The following RANBP2 variants were observed in gnomAD, a reference collection of about 807,000 sequenced individuals.
RANBP2 encodes the protein E3 SUMO-protein ligase RanBP2.
Under a neutral mutation model 303.6 loss-of-function variants are expected in RANBP2, and 57 were observed. The ratio of observed to expected loss-of-function variants is 0.19; its 90% CI spans 0.15 to 0.23. The LOEUF is 0.23. RANBP2 is among the 10% of genes least tolerant of loss of function. The probability of loss-of-function intolerance (pLI) is 1.00; values close to 1 mark genes in which losing one functional copy is unlikely to be tolerated. For missense variants in RANBP2, 3,138 were observed against 3,780.8 expected (o/e 0.83, Z 4.46); for synonymous variants, 1,167 against 1,301.5 (o/e 0.90, Z 2.23).
chr2:109,697,747 A>G, the RANBP2 span, among the ~76,000 whole-genome samples: 2 of 152,214 alleles, frequency 1.3e-5, no homozygotes, highest in South Asian at 4.2e-4. Context: ...TGTACTAGGT[A>G]GGACCTCCAG....
chr2:109,678,864 A>G, the RANBP2 span, among the ~76,000 whole-genome samples: 1 of 152,234 alleles, frequency 6.6e-6, no homozygotes, highest in Non-Finnish European at 1.5e-5. Context: ...TTGGAAGCTC[A>G]GCCTGCTGAG....
chr2:109,349,947 C>A, the RANBP2 span, among the ~76,000 whole-genome samples: 1 of 152,236 alleles, frequency 6.6e-6, no homozygotes, highest in African/African-American at 2.4e-5. Context: ...GACTCTGTGT[C>A]GGGTACTAGA....
At chr2:109,506,153 C>T in the RANBP2 span, among the ~76,000 whole-genome samples, 2 of 152,200 alleles carry the variant, frequency 1.3e-5, no homozygotes, top group South Asian at 2.1e-4. Context: ...CCTGTGTAGC[C>T]GAGATGTTCC....
At chr2:109,398,454 G>C in the RANBP2 span, 1 of 817,278 alleles carries the variant, frequency 1.2e-6, no homozygotes, top group East Asian at 2.7e-5. Context: ...AGCCTCTTCT[G>C]TGTTTTCCCT....
chr2:108,728,987 T>C (rs549807024), intron 1 of RANBP2, 145 bp from the exon 2 acceptor site: 2 of 946,470 alleles, frequency 2.1e-6, no homozygotes, highest in East Asian at 2.8e-5. Flanking sequence ...CATGGAATTA[T>C]GCATTTGTCA....
At chr2:109,000,798 G>C in the RANBP2 span, among the ~76,000 whole-genome samples, 1 of 152,178 alleles carries the variant, frequency 6.6e-6, no homozygotes, top group African/African-American at 2.4e-5. Context: ...CTATGAGATA[G>C]TCTTATCCAT....
At position 108,772,995 on chromosome 2, in the gene RANBP2, T is replaced by C. The variant is rs1280462210; in HGVS notation, c.8241T>C (p.Asn2747=). The C allele has an allele frequency of 1.2e-6, 2 of 1,613,914 alleles. No individual in the cohort carries two copies. The highest frequency in any genetic ancestry group is 2.2e-5 in the East Asian group (1 of 44,850). Residue 2747 remains asparagine, a synonymous_variant, in exon 23 of 29, where the codon AAT becomes AAC. Coordinates refer to ENST00000283195, the MANE Select transcript of RANBP2 (RefSeq NM_006267.5). The part of the protein sequence containing the change: ...CGVCSDTDED[N]GNGEDFQSEL... ...TCTGTAGTGATACTGATGAAGACAATGGAAATGGGGAGGACTTTCAATCAG... is the reference window on the plus strand; with the variant it reads ...TCTGTAGTGATACTGATGAAGACAACGGAAATGGGGAGGACTTTCAATCAG...
chr2:109,065,195 C>T, the RANBP2 span, among the ~76,000 whole-genome samples: 1 of 152,208 alleles, frequency 6.6e-6, no homozygotes, highest in Non-Finnish European at 1.5e-5. Flanking sequence ...CTATATTCTT[C>T]ATCAATGTGT....
the RANBP2 span, chr2:109,593,086 A>T: frequency 6.2e-7 from 1 of 1,601,080 alleles, no homozygotes; most frequent in Non-Finnish European, 8.5e-7. Context: ...GAAGACATAC[A>T]AGTTGTTTTC....
the RANBP2 span, among the ~76,000 whole-genome samples, chr2:109,396,727 C>A: frequency 6.6e-6 from 1 of 152,216 alleles, no homozygotes; most frequent in Non-Finnish European, 1.5e-5. Flanking sequence ...GGACAGGCCC[C>A]TCCTGGCACC....
chr2:109,031,876 G>C, the RANBP2 span, among the ~76,000 whole-genome samples: 1 of 151,674 alleles, frequency 6.6e-6, no homozygotes, highest in Admixed American at 6.6e-5. Flanking sequence ...TTCTTGTCCC[G>C]TGAGCGCTAC....
the RANBP2 span, chr2:108,907,815 G>A: frequency 1.9e-6 from 3 of 1,607,710 alleles, no homozygotes; most frequent in Non-Finnish European, 2.6e-6. Context: ...CGGCTGTGAG[G>A]GAGCCACATC....
chr2:108,888,647 A>G, the RANBP2 span, among the ~76,000 whole-genome samples: 1 of 151,960 alleles, frequency 6.6e-6, no homozygotes. Context: ...ATTCTGTGGT[A>G]TCGCTTGTAA....
At chr2:109,644,232 A>G in the RANBP2 span, among the ~76,000 whole-genome samples, 2 of 152,018 alleles carry the variant, frequency 1.3e-5, no homozygotes, top group Non-Finnish European at 2.9e-5. Context: ...TCTTGAACCC[A>G]GGAGGTGGAG....
the RANBP2 span, among the ~76,000 whole-genome samples, chr2:108,803,077 C>T: frequency 6.6e-6 from 1 of 152,194 alleles, no homozygotes. Context: ...AGTTTAAAAT[C>T]CTAATGCATT....
At chr2:109,078,934 T>C in the RANBP2 span, among the ~76,000 whole-genome samples, 1 of 151,154 alleles carries the variant, frequency 6.6e-6, no homozygotes, top group Admixed American at 6.6e-5. Flanking sequence ...GAGCTTGCAG[T>C]GAGCCGAGAT....
intron 21 of RANBP2, among the ~76,000 whole-genome samples, chr2:108,772,235 A>G (rs947976934): frequency 3.9e-5 from 6 of 152,272 alleles, no homozygotes; most frequent in African/African-American, 1.2e-4. Flanking sequence ...AAAAGTCTCA[A>G]TAGAATCAGT....
chr2:108,979,450 CTCTG>C, the RANBP2 span, among the ~76,000 whole-genome samples: 1 of 109,790 alleles, frequency 9.1e-6, no homozygotes, highest in Admixed American at 9.6e-5. Context: ...CTCTCTCTGT[CTCTG>C]TCTCTCTCTC....
At chr2:108,854,861 G>A in the RANBP2 span, among the ~76,000 whole-genome samples, 2,005 of 152,212 alleles carry the variant, frequency 0.013, 64 homozygotes, top group South Asian at 0.083. Context: ...AGATTCAAAG[G>A]GTGGGCAGTA....
Sources: allele counts gnomAD v4.1 joint callset (sites outside exome capture counted in the v4.1 genomes callset), GRCh38; gene constraint gnomAD v4.1.1; transcripts MANE v1.5; gene names NCBI Gene and HGNC (gene_info 2026-07-23, HGNC 2026-07-21).